The following ALK variants were observed in gnomAD, a reference collection of about 807,000 sequenced individuals.
ALK encodes the protein ALK receptor tyrosine kinase.
A neutral mutation model predicts 163.1 loss-of-function variants in ALK; 74 were observed. The observed-to-expected ratio is 0.45, with a 90% CI of 0.38 to 0.55. ALK has a LOEUF of 0.55. Ranked by LOEUF, ALK falls within the 20% of genes least tolerant of loss-of-function variation. ALK has a pLI of 0.00. For synonymous variants in ALK, 960 were observed against 843.2 expected (o/e 1.14, Z -2.40); for missense variants, 2,063 against 2,105.3 (o/e 0.98, Z 0.39).
At chr2:29,487,125 A>G (rs1284245882) in intron 4 of ALK, among the ~76,000 whole-genome samples, 1 of 152,244 alleles carries the variant, frequency 6.6e-6, no homozygotes, top group African/African-American at 2.4e-5. Flanking sequence ...ATTAATTAAC[A>G]AGCGATACTC....
chr2:29,639,406 T>A (rs1472516507), intron 3 of ALK, among the ~76,000 whole-genome samples: 1 of 152,208 alleles, frequency 6.6e-6, no homozygotes, highest in Non-Finnish European at 1.5e-5. Flanking sequence ...ATAGGAACCC[T>A]CTGCAAGTTA....
intron 11 of ALK, among the ~76,000 whole-genome samples, chr2:29,272,974 C>T (rs1307510048): frequency 6.6e-6 from 1 of 152,216 alleles, no homozygotes; most frequent in Non-Finnish European, 1.5e-5. Context: ...GCAACTGTCC[C>T]TGGGCCTGTG....
chr2:29,851,969 A>G (rs1403450053), intron 1 of ALK, among the ~76,000 whole-genome samples: 2 of 152,212 alleles, frequency 1.3e-5, no homozygotes, highest in Admixed American at 6.5e-5. Flanking sequence ...TGAGAGGTAG[A>G]ACCTGTATTT....
intron 1 of ALK, among the ~76,000 whole-genome samples, chr2:29,851,052 A>G (rs749246092): frequency 2.0e-5 from 3 of 152,224 alleles, no homozygotes; most frequent in Non-Finnish European, 4.4e-5. Flanking sequence ...GCACAGTGCC[A>G]AACACATAAT....
chr2:29,785,395 A>G (rs1349633086), intron 1 of ALK, among the ~76,000 whole-genome samples: 2 of 152,158 alleles, frequency 1.3e-5, no homozygotes, highest in African/African-American at 4.8e-5. Context: ...AAAACACAAA[A>G]TTACCTTTCA....
At chr2:29,617,760 T>C (rs1325013116) in intron 3 of ALK, among the ~76,000 whole-genome samples, 1 of 152,152 alleles carries the variant, frequency 6.6e-6, no homozygotes, top group African/African-American at 2.4e-5. Flanking sequence ...GTGGCCCCAT[T>C]GTAACAGTCT....
At chr2:29,808,353 T>C (rs1056961730) in intron 1 of ALK, among the ~76,000 whole-genome samples, 1 of 152,146 alleles carries the variant, frequency 6.6e-6, no homozygotes, top group Non-Finnish European at 1.5e-5. Flanking sequence ...GAAAAGCATC[T>C]GGCACTCAGA....
At chr2:29,718,187 T>C (rs73921493) in intron 1 of ALK, among the ~76,000 whole-genome samples, 2,638 of 152,316 alleles carry the variant, frequency 0.017, 73 homozygotes, top group African/African-American at 0.059. Context: ...TTAACAATTA[T>C]GTTATTGTCA....
In ALK at chr2:29,220,723, C is replaced by T. The variant is rs1573120111; in HGVS notation, c.3628G>A (p.Glu1210Lys). The change falls in exon 23 of 29, where the codon GAG becomes AAG. Residue 1210 changes from glutamate to lysine, a missense_variant. Coordinates refer to ENST00000389048, the MANE Select transcript of ALK (RefSeq NM_004304.5). ...TCACTCACCGGGCGAGGGCGGGTCT[C>T]TCGGAGGAAGGACTTGAGGTCTCCC... ...AGGDLKSFLR[E>K]TRPRPSQPSS... 1 of 1,613,826 alleles carries T rather than the reference C, an allele frequency of 6.2e-7. No individual in the cohort carries two copies. Among genetic ancestry groups the T allele is most frequent in the Non-Finnish European group, 8.5e-7 (1 of 1,179,800 alleles).
chr2:29,780,556 C>T (rs184089501), intron 1 of ALK, among the ~76,000 whole-genome samples: 11 of 152,300 alleles, frequency 7.2e-5, no homozygotes, highest in Admixed American at 3.9e-4. Flanking sequence ...ATTGATCGGG[C>T]CTAACTGCAA....
chr2:29,610,816 T>C (rs1032590709), intron 3 of ALK, among the ~76,000 whole-genome samples: 1 of 152,106 alleles, frequency 6.6e-6, no homozygotes, highest in Non-Finnish European at 1.5e-5. Flanking sequence ...AAAAAATGAC[T>C]CCGGATAAGA....
chr2:29,408,645 T>C (rs1482856293), intron 4 of ALK, among the ~76,000 whole-genome samples: 1 of 152,254 alleles, frequency 6.6e-6, no homozygotes, highest in Non-Finnish European at 1.5e-5. Flanking sequence ...ATTTGAGAAA[T>C]ACTATCTAAT....
chr2:29,320,840 A>G lies in ALK; in HGVS notation c.1457T>C (p.Phe486Ser). 1 of 1,614,226 alleles carries G rather than the reference A, an allele frequency of 6.2e-7. No homozygotes were observed. Among genetic ancestry groups the G allele is most frequent in the Non-Finnish European group, 8.5e-7 (1 of 1,180,016 alleles). The change falls in exon 7 of 29, where the codon TTC (phenylalanine) becomes TCC (serine). Residue 486 changes from phenylalanine (F) to serine (S), a missense_variant. Coordinates refer to ENST00000389048, the MANE Select transcript of ALK (RefSeq NM_004304.5). Reference protein sequence around the residue: ...VGFYCNFEDGFCGWTQGTLSP... With the variant: ...VGFYCNFEDGSCGWTQGTLSP... ...CAGTGTGCCTTGGGTCCAGCCACAG[A>G]AGCCATCTTCAAAGTTGCAGTAAAA... is the stretch of plus-strand genomic sequence containing the variant.
chr2:29,797,007 C>T (rs992332141), intron 1 of ALK, among the ~76,000 whole-genome samples: 25 of 151,386 alleles, frequency 1.7e-4, no homozygotes, highest in African/African-American at 6.1e-4. Flanking sequence ...CACCCACACA[C>T]ACACACACAC....
intron 24 of ALK, among the ~76,000 whole-genome samples, chr2:29,213,088 G>A (rs1194841070): frequency 1.3e-5 from 2 of 152,222 alleles, no homozygotes; most frequent in African/African-American, 4.8e-5. Context: ...TAGAAGACAT[G>A]TGTTAATAAA....
chr2:29,262,401 T>A (rs1665111022), intron 11 of ALK, among the ~76,000 whole-genome samples: 1 of 152,200 alleles, frequency 6.6e-6, no homozygotes, highest in African/African-American at 2.4e-5. Flanking sequence ...CATGTGCACC[T>A]GTGAGCGCCT....
At chr2:29,260,589 C>A in intron 11 of ALK, among the ~76,000 whole-genome samples, 1 of 152,098 alleles carries the variant, frequency 6.6e-6, no homozygotes, top group East Asian at 1.9e-4. Flanking sequence ...GTAATCCCAG[C>A]ACTTTGGGAG....
At chr2:29,697,665 C>G (rs1678613481) in intron 2 of ALK, among the ~76,000 whole-genome samples, 1 of 152,212 alleles carries the variant, frequency 6.6e-6, no homozygotes, top group South Asian at 2.1e-4. Flanking sequence ...AGATATTGGA[C>G]AGACAATATG....
chr2:29,658,520 A>T (rs1362030849), intron 3 of ALK, among the ~76,000 whole-genome samples: 3 of 152,162 alleles, frequency 2.0e-5, no homozygotes, highest in Non-Finnish European at 4.4e-5. Flanking sequence ...CCACCAAACA[A>T]CACTTCCAGG....
Sources: gnomAD v4.1 joint callset for allele counts (sites outside exome capture counted in the v4.1 genomes callset) on GRCh38, gnomAD v4.1.1 for gene constraint, MANE v1.5 for transcripts, NCBI Gene and HGNC (gene_info 2026-07-23, HGNC 2026-07-21) for gene names.